The following SNTB1 variants were observed in gnomAD, a reference collection of about 807,000 sequenced individuals.
The protein encoded by SNTB1 is syntrophin beta 1.
Under a neutral mutation model 48.9 loss-of-function variants are expected in SNTB1, and 36 were observed. The observed-to-expected ratio is 0.74, with a 90% confidence interval of 0.56 to 0.97. SNTB1 has a LOEUF of 0.97. Among genes scored for constraint, SNTB1 ranks in the 50% least tolerant of loss-of-function variants. The pLI is 0.00. For missense variants in SNTB1, 786 were observed against 703.4 expected, an observed-to-expected ratio of 1.12 and a Z score of -1.33; for synonymous variants, 299 against 294.6, an observed-to-expected ratio of 1.01 and a Z score of -0.15.
chr8:120,557,475 G>A (rs1815584977), intron 4 of SNTB1, among the ~76,000 whole-genome samples: 1 of 152,186 alleles, frequency 6.6e-6, no homozygotes, highest in South Asian at 2.1e-4. Flanking sequence ...AGGGGTTGTT[G>A]CTTATGTATC....
chr8:120,779,579 G>A (rs1819796345), intron 1 of SNTB1, among the ~76,000 whole-genome samples: 1 of 152,182 alleles, frequency 6.6e-6, no homozygotes, highest in African/African-American at 2.4e-5. Context: ...GAGCCCAACT[G>A]TAGAAGATAT....
At position 120,623,666 on chromosome 8, in the gene SNTB1, C is replaced by T. The variant is rs1456919796; in HGVS notation, c.996+8778G>A. Reference sequence around the variant, plus strand: ...TCCAGTGCTGAGTAGAGTGCGTTCACCATCTCATCCTGTTTCAGGTAGGGA... The same window carrying T: ...TCCAGTGCTGAGTAGAGTGCGTTCATCATCTCATCCTGTTTCAGGTAGGGA... On this transcript the variant is annotated intron_variant, in intron 3 of 6. Transcript: ENST00000517992. Among the ~76,000 whole-genome samples the T allele has an allele frequency of 2.6e-5, 4 of 152,190 alleles. No individual in the cohort carries two copies. The East Asian group carries it at 7.7e-4, about 29-fold the overall frequency.
chr8:120,696,598 A>G (rs771065891), intron 1 of SNTB1, among the ~76,000 whole-genome samples: 1 of 152,208 alleles, frequency 6.6e-6, no homozygotes, highest in East Asian at 1.9e-4. Context: ...CCGAGCATCC[A>G]TGTGTCCACG....
chr8:120,571,397 T>C (rs1422226245), intron 4 of SNTB1: 1 of 1,215,666 alleles, frequency 8.2e-7, no homozygotes, highest in African/African-American at 1.6e-5. Flanking sequence ...GCAATAGCGA[T>C]TGGGCCGAAT....
At chr8:120,587,594 A>G (rs1392439728) in intron 3 of SNTB1, among the ~76,000 whole-genome samples, 1 of 152,216 alleles carries the variant, frequency 6.6e-6, no homozygotes, top group African/African-American at 2.4e-5. Flanking sequence ...CTGAGCAACT[A>G]AAGTCACACC....
chr8:120,590,409 C>A (rs1264764014), intron 3 of SNTB1, among the ~76,000 whole-genome samples: 1 of 152,042 alleles, frequency 6.6e-6, no homozygotes, highest in Non-Finnish European at 1.5e-5. Flanking sequence ...ATAACAGTAT[C>A]TATTTCATAG....
intron 4 of SNTB1, among the ~76,000 whole-genome samples, chr8:120,561,319 C>CAAAAAAAAAAAAAAAAA (rs1221884195): frequency 1.3e-4 from 6 of 45,478 alleles, no homozygotes; most frequent in African/African-American, 2.6e-4. Flanking sequence ...AACTCCATCT[C>CAAAAAAAAAAAAAAAAA]AAAAAAAAAA....
At chr8:120,746,740 T>G (rs987886777) in intron 1 of SNTB1, among the ~76,000 whole-genome samples, 1 of 152,240 alleles carries the variant, frequency 6.6e-6, no homozygotes, top group Non-Finnish European at 1.5e-5. Context: ...TTTCCGTTAT[T>G]CAGTATAATA....
At chr8:120,806,149 T>TG (rs1021805326) in intron 1 of SNTB1, among the ~76,000 whole-genome samples, 13 of 152,104 alleles carry the variant, frequency 8.5e-5, no homozygotes, top group African/African-American at 2.7e-4. Flanking sequence ...CTCAAGAAGG[T>TG]GGGGGGGTCC....
intron 1 of SNTB1, among the ~76,000 whole-genome samples, chr8:120,777,135 T>TAC (rs1439539790): frequency 2.6e-5 from 4 of 152,208 alleles, no homozygotes; most frequent in Non-Finnish European, 5.9e-5. Context: ...GCTACTATGG[T>TAC]TTCAACTGCT....
intron 6 of SNTB1, among the ~76,000 whole-genome samples, chr8:120,540,894 A>C (rs1207700900): frequency 6.6e-6 from 1 of 152,160 alleles, no homozygotes; most frequent in Non-Finnish European, 1.5e-5. Context: ...AGAGATAAAA[A>C]GTCCCTAGGG....
At chr8:120,698,493 C>A (rs549973910) in intron 1 of SNTB1, among the ~76,000 whole-genome samples, 12 of 151,788 alleles carry the variant, frequency 7.9e-5, no homozygotes, top group Admixed American at 5.3e-4. Context: ...ATCCAGGAGT[C>A]CTGATTTTTT....
chr8:120,733,929 G>C (rs1009051377), intron 1 of SNTB1, among the ~76,000 whole-genome samples: 1 of 152,174 alleles, frequency 6.6e-6, no homozygotes, highest in African/African-American at 2.4e-5. Flanking sequence ...TATCTGTCTT[G>C]TTCAAGGCTA....
intron 4 of SNTB1, among the ~76,000 whole-genome samples, chr8:120,554,587 C>A (rs1273508877): frequency 1.3e-5 from 2 of 152,084 alleles, no homozygotes; most frequent in Non-Finnish European, 2.9e-5. Flanking sequence ...CACTGAGTCA[C>A]CAAAAATTGG....
At chr8:120,641,968 T>C (rs1309884795) in intron 2 of SNTB1, among the ~76,000 whole-genome samples, 2 of 152,182 alleles carry the variant, frequency 1.3e-5, no homozygotes, top group Non-Finnish European at 2.9e-5. Context: ...CCCATACTTT[T>C]TGGCAGCGAT....
chr8:120,682,289 G>A (rs528332318), intron 2 of SNTB1, among the ~76,000 whole-genome samples: 2 of 152,196 alleles, frequency 1.3e-5, no homozygotes, highest in East Asian at 3.9e-4. Context: ...TAAATTATCT[G>A]TCTTATCATT....
intron 2 of SNTB1, among the ~76,000 whole-genome samples, chr8:120,677,605 G>A (rs1817858133): frequency 6.6e-6 from 1 of 151,892 alleles, no homozygotes; most frequent in South Asian, 2.1e-4. Flanking sequence ...ATCTTAGTAG[G>A]GCTGGATTTT....
intron 3 of SNTB1, among the ~76,000 whole-genome samples, chr8:120,617,095 G>GT (rs1399883940): frequency 1.3e-5 from 2 of 152,280 alleles, no homozygotes; most frequent in African/African-American, 2.4e-5. Context: ...AACATTATGA[G>GT]TTTTTTTGCA....
chr8:120,797,186 G>T (rs1025722422), intron 1 of SNTB1, among the ~76,000 whole-genome samples: 2 of 151,842 alleles, frequency 1.3e-5, no homozygotes, highest in African/African-American at 4.8e-5. Context: ...ACAAAAACAC[G>T]GTGTCCTGTC....
Sources: gnomAD v4.1 joint callset for allele counts (sites outside exome capture counted in the v4.1 genomes callset) on GRCh38, gnomAD v4.1.1 for gene constraint, MANE v1.5 for transcripts, NCBI Gene and HGNC (gene_info 2026-07-23, HGNC 2026-07-21) for gene names.